The following HAGHL variants were observed in gnomAD, a reference collection of about 807,000 sequenced individuals.
HAGHL encodes the protein hydroxyacylglutathione hydrolase like.
A neutral mutation model predicts 29.2 loss-of-function variants in HAGHL; 27 were observed. That is an observed-to-expected ratio of 0.92 (90% CI 0.68 to 1.27). HAGHL has a LOEUF of 1.27. HAGHL is among the 50% of genes most tolerant of loss of function. HAGHL has a pLI of 0.00. For synonymous variants in HAGHL, 223 were observed against 185.7 expected (o/e 1.20, Z -1.63); for missense variants, 529 against 405.5 (o/e 1.30, Z -2.62).
Position 729,395 on chromosome 16 carries a change from C to T in HAGHL, c.788C>T (p.Pro263Leu), listed in dbSNP as rs1234037073. ...RFEQAGEPRQ[P>L]QARALLALQW... ...GAACAGGCGGGCGAGCCGCGGCAGC[C>T]ACAGGCGCGGGCCCTCCTTGCGCTG... Residue 263 changes from proline (P) to leucine (L), a missense_variant, in exon 8 of 8, where the codon CCA becomes CTA. Transcript: ENST00000389703. The T allele has an allele frequency of 6.5e-7, 1 of 1,527,552 alleles. No individual in the cohort carries two copies. Among genetic ancestry groups the T allele is most frequent in the Non-Finnish European group, 8.8e-7 (1 of 1,140,646 alleles). The allele number at this position is 1,527,552 out of a possible 1,614,324, so 94.6% of individuals were successfully genotyped here.
Position 729,093 on chromosome 16 carries a change from G to C in HAGHL, c.680+5G>C, listed in dbSNP as rs761139016. 2.5e-6 allele frequency: 4 copies of C among 1,608,100 alleles called. No homozygotes were observed. In the Admixed American group the frequency reaches 6.7e-5, roughly 27 times the overall value. The stretch of plus-strand genomic sequence containing the variant: ...CAACCCCTTCCTGCGGGTGGCGTGA[G>C]TATGGCTGTTGTCCCGGGGCCTCCA... On this transcript the variant is annotated splice_donor_5th_base_variant and intron_variant, in intron 7 of 7. Transcript: ENST00000389703.
In HAGHL at chr16:728,593, C is replaced by A; in HGVS notation, c.487C>A (p.Pro163Thr). 6.7e-7 allele frequency: 1 copy of A among 1,500,508 alleles called. No individual in the cohort carries two copies. Among genetic ancestry groups the A allele is most frequent in the Non-Finnish European group, 8.9e-7 (1 of 1,127,330 alleles). The allele number at this position is 1,500,508 out of a possible 1,614,324, so 92.9% of individuals were successfully genotyped here. A position where few individuals can be genotyped will look rare whatever the true frequency, so the allele number is the denominator to read the frequency against. ...GAGCCTGGCCGAGCTGGGTACCCTGCCCCCCGAGACGGTGAGCGGGCCTGG... is the reference window on the plus strand; with the variant it reads ...GAGCCTGGCCGAGCTGGGTACCCTGACCCCCGAGACGGTGAGCGGGCCTGG... Reference protein sequence around the residue: ...YQSLAELGTLPPETKVFCGHE... With the variant: ...YQSLAELGTLTPETKVFCGHE... Residue 163 changes from proline (P) to threonine (T), a missense_variant, in exon 5 of 8, where the codon CCC becomes ACC. Transcript: ENST00000389703.
Position 728,322 on chromosome 16 carries a change from G to T in HAGHL, c.295G>T (p.Ala99Ser). The change falls in exon 4 of 8, where the codon GCC (alanine) becomes TCC (serine). Residue 99 changes from alanine (A) to serine (S), a missense_variant. Coordinates refer to ENST00000389703, the MANE Select transcript of HAGHL (RefSeq NM_032304.4). ...GCCTGCTCCTCCGCCGCAGTTCGGG[G>T]CCATCCACGTGCGTTGCCTCCTGAC... is the stretch of plus-strand genomic sequence containing the variant. ...LAHGEELRFG[A>S]IHVRCLLTPG... 1 of 1,553,936 alleles carries T rather than the reference G, an allele frequency of 6.4e-7. No homozygotes were observed.
In HAGHL at chr16:729,465, G is replaced by A; in HGVS notation, c.*9G>A. 1 of 1,539,740 alleles carries A rather than the reference G, an allele frequency of 6.5e-7. No homozygotes were observed. The highest frequency in any genetic ancestry group is 8.7e-7 in the Non-Finnish European group (1 of 1,146,170). ...CAGCCCCACACGACTGAGCCACCCA[G>A]ACCCTCACAGGGCTGGGGCCTGCGT... On this transcript the variant is annotated 3_prime_UTR_variant, in exon 8 of 8. Transcript: ENST00000389703.
In HAGHL at chr16:727,973, G is replaced by A. The variant is rs2041109091; in HGVS notation, c.114G>A (p.Glu38=). The A allele has an allele frequency of 6.2e-7, 1 of 1,607,574 alleles. No individual in the cohort carries two copies. The highest frequency in any genetic ancestry group is 1.3e-5 in the African/African-American group (1 of 74,280). The part of the protein sequence containing the change: ...VDVAVPKRLL[E]IVGREGVSLT... ...ACTCCCGTCCCTTTCAGCTGCTGGA[G>A]ATCGTGGGCCGGGAGGGGGTGTCTC... The change falls in exon 2 of 8, where the codon GAG becomes GAA. Residue 38 remains glutamate (E), a synonymous_variant. Coordinates refer to ENST00000389703, the MANE Select transcript of HAGHL (RefSeq NM_032304.4).
Position 727,464 on chromosome 16 carries a change from G to T in HAGHL, c.-46G>T. ...CCGCCCTGAAGGGGCACCGTGGGCT[G>T]GGGGGCCTGTTTTGGAGCAGGCACC... is the stretch of plus-strand genomic sequence containing the variant. On this transcript the variant is annotated 5_prime_UTR_variant, in exon 1 of 8. Transcript: ENST00000389703. 8.4e-7 allele frequency: 1 copy of T among 1,186,958 alleles called. No homozygotes were observed. Among genetic ancestry groups the T allele is most frequent in the East Asian group, 2.5e-5 (1 of 39,916 alleles). 73.5% of individuals were successfully genotyped at this position (1,186,958 alleles called of 1,614,324 possible).
Position 728,615 on chromosome 16 carries a change from C to T in HAGHL, c.498+11C>T. The T allele has an allele frequency of 3.5e-6, 5 of 1,443,382 alleles. No homozygotes were observed. Among genetic ancestry groups the T allele is most frequent in the Non-Finnish European group, 4.6e-6 (5 of 1,078,674 alleles). The allele number at this position is 1,443,382 out of a possible 1,614,324, so 89.4% of individuals were successfully genotyped here. A position where few individuals can be genotyped will look rare whatever the true frequency, so the allele number is the denominator to read the frequency against. On this transcript the variant is annotated intron_variant, in intron 5 of 7. Transcript: ENST00000389703. ...CTGCCCCCCGAGACGGTGAGCGGGCCTGGGCCCTCCCCTCTTCTCCCGTGG... is the reference window on the plus strand; with the variant it reads ...CTGCCCCCCGAGACGGTGAGCGGGCTTGGGCCCTCCCCTCTTCTCCCGTGG...
chr16:728,581 C>T lies in HAGHL; in HGVS notation c.475C>T (p.Leu159=), dbSNP rs1258904100. 2.0e-6 allele frequency: 3 copies of T among 1,513,372 alleles called. No homozygotes were observed. Among genetic ancestry groups the T allele is most frequent in the South Asian group, 1.2e-5 (1 of 80,652 alleles). 93.7% of individuals were successfully genotyped at this position (1,513,372 alleles called of 1,614,324 possible). A position where few individuals can be genotyped will look rare whatever the true frequency, so the allele number is the denominator to read the frequency against. Residue 159 remains leucine (L), a synonymous_variant, in exon 5 of 8, where the codon CTG becomes TTG. Coordinates refer to ENST00000389703, the MANE Select transcript of HAGHL (RefSeq NM_032304.4). ...GCAGATGTACCAGAGCCTGGCCGAG[C>T]TGGGTACCCTGCCCCCCGAGACGGT... ...AQQMYQSLAE[L]GTLPPETKVF...
chr16:728,435 C>T lies in HAGHL; in HGVS notation c.397+11C>T. Reference sequence around the variant, plus strand: ...CCGCCCTGTTCTCGGGTACCCGCAGCGCGGAGCGCGCCCACCCCGCCTCCC... The same window carrying T: ...CCGCCCTGTTCTCGGGTACCCGCAGTGCGGAGCGCGCCCACCCCGCCTCCC... On this transcript the variant is annotated intron_variant, in intron 4 of 7. Transcript: ENST00000389703. 4 of 1,516,808 alleles carry T rather than the reference C, an allele frequency of 2.6e-6. No homozygotes were observed. The highest frequency in any genetic ancestry group is 3.5e-6 in the Non-Finnish European group (4 of 1,129,400). The allele number at this position is 1,516,808 out of a possible 1,614,324, so 94.0% of individuals were successfully genotyped here.
chr16:728,506 G>C lies in HAGHL; in HGVS notation c.400G>C (p.Asp134His). 1 of 1,529,306 alleles carries C rather than the reference G, an allele frequency of 6.5e-7. No individual in the cohort carries two copies. Among genetic ancestry groups the C allele is most frequent in the South Asian group, 1.2e-5 (1 of 83,554 alleles). 94.7% of individuals were successfully genotyped at this position (1,529,306 alleles called of 1,614,324 possible). The change falls in exon 5 of 8, where the codon GAC (aspartate) becomes CAC (histidine). Residue 134 changes from aspartate (D) to histidine (H), a missense_variant and splice_region_variant. Coordinates refer to ENST00000389703, the MANE Select transcript of HAGHL (RefSeq NM_032304.4). Reference protein sequence around the residue: ...CPDPPALFSGDALSVAGCGSC... With the variant: ...CPDPPALFSGHALSVAGCGSC... ...TCTGACCCGCCCTCCCCCGCCAGGCGACGCGCTGTCGGTGGCCGGCTGCGG... is the reference window on the plus strand; with the variant it reads ...TCTGACCCGCCCTCCCCCGCCAGGCCACGCGCTGTCGGTGGCCGGCTGCGG...
rs2041029862 is a variant in HAGHL at position 727,264 on chromosome 16, G to A, written c.-246G>A. 1 of 440,258 alleles carries A rather than the reference G, an allele frequency of 2.3e-6. No homozygotes were observed. The highest frequency in any genetic ancestry group is 4.2e-5 in the East Asian group (1 of 24,006). 27.3% of individuals were successfully genotyped at this position (440,258 alleles called of 1,614,324 possible). A position where few individuals can be genotyped will look rare whatever the true frequency, so the allele number is the denominator to read the frequency against. On this transcript the variant is annotated 5_prime_UTR_variant, in exon 1 of 8. Coordinates refer to ENST00000389703, the MANE Select transcript of HAGHL (RefSeq NM_032304.4). ...CTTTGGGGACTGGGGCTCGGACTGG[G>A]GGCGGAGCCGGGGCTGGTTGGGGAC...
At position 728,202 on chromosome 16, in the gene HAGHL, C is replaced by G. The variant is rs2151591080; in HGVS notation, c.257C>G (p.Thr86Arg). The G allele has an allele frequency of 6.9e-7, 1 of 1,452,958 alleles. No homozygotes were observed. Among genetic ancestry groups the G allele is most frequent in the Admixed American group, 2.8e-5 (1 of 36,276 alleles). 90.0% of individuals were successfully genotyped at this position (1,452,958 alleles called of 1,614,324 possible). ...LGADERIFSLTRRLAHGEELR... is the reference protein window; with the variant it reads ...LGADERIFSLRRRLAHGEELR... ...GCGGACGAGCGCATCTTCTCGCTGACGCGCAGGCTGGCGCACGGCGAGGAG... is the reference window on the plus strand; with the variant it reads ...GCGGACGAGCGCATCTTCTCGCTGAGGCGCAGGCTGGCGCACGGCGAGGAG... Residue 86 changes from threonine to arginine, a missense_variant, in exon 3 of 8, where the codon ACG becomes AGG. Coordinates refer to ENST00000389703, the MANE Select transcript of HAGHL (RefSeq NM_032304.4).
Position 728,387 on chromosome 16 carries a change from G to C in HAGHL, c.360G>C (p.Trp120Cys). 6.3e-7 allele frequency: 1 copy of C among 1,577,528 alleles called. No individual in the cohort carries two copies. Among genetic ancestry groups the C allele is most frequent in the Middle Eastern group, 1.7e-4 (1 of 5,724 alleles). The stretch of plus-strand genomic sequence containing the variant: ...CCGGCCACATGAGCTACTTCCTGTG[G>C]GAGGACGATTGCCCGGACCCACCCG... ...HTAGHMSYFL[W>C]EDDCPDPPAL... Residue 120 changes from tryptophan to cysteine, a missense_variant, in exon 4 of 8, where the codon TGG becomes TGC. Physicochemically the swap from Trp to Cys is radical, Grantham distance 215 (BLOSUM62 -2). Coordinates refer to ENST00000389703, the MANE Select transcript of HAGHL (RefSeq NM_032304.4).
intron 1 of HAGHL, 115 bp from the exon 2 acceptor site, chr16:727,850 C>A: frequency 8.7e-7 from 1 of 1,149,672 alleles, no homozygotes; most frequent in Non-Finnish European, 1.3e-6. Flanking sequence ...GGTCCCCGCT[C>A]CCCGGCGCTC....
At position 728,803 on chromosome 16, in the gene HAGHL, T is replaced by G; in HGVS notation, c.508T>G (p.Cys170Gly). ...AGCGCTCTTCCTCCAGAAGGTGTTC[T>G]GCGGCCACGAGCACACGCTTAGCAA... ...GTLPPETKVF[C>G]GHEHTLSNLE... Residue 170 changes from cysteine to glycine, a missense_variant, in exon 6 of 8, where the codon TGC becomes GGC. Transcript: ENST00000389703. 1 of 1,612,032 alleles carries G rather than the reference T, an allele frequency of 6.2e-7. No homozygotes were observed. The highest frequency in any genetic ancestry group is 8.5e-7 in the Non-Finnish European group (1 of 1,179,670).
Position 727,446 on chromosome 16 carries a change from G to A in HAGHL, c.-64G>A. The A allele has an allele frequency of 1.0e-6, 1 of 994,072 alleles. No homozygotes were observed. The highest frequency in any genetic ancestry group is 1.6e-6 in the Non-Finnish European group (1 of 642,138). The allele number at this position is 994,072 out of a possible 1,614,324, so 61.6% of individuals were successfully genotyped here. On this transcript the variant is annotated 5_prime_UTR_variant, in exon 1 of 8. Coordinates refer to ENST00000389703, the MANE Select transcript of HAGHL (RefSeq NM_032304.4). ...GGGTGTGGAGAGCGGGCCCCGCCCT[G>A]AAGGGGCACCGTGGGCTGGGGGGCC...
intron 3 of HAGHL, 30 bp from the exon 4 acceptor site, chr16:728,286 C>G (rs1037325718): frequency 9.2e-6 from 14 of 1,520,228 alleles, no homozygotes; most frequent in Non-Finnish European, 1.2e-5. Context: ...TCCACCCGCC[C>G]TCACAGGTCC....
intron 1 of HAGHL, 25 bp from the exon 2 acceptor site, chr16:727,940 T>C (rs758694674): frequency 6.2e-7 from 1 of 1,601,690 alleles, no homozygotes; most frequent in Admixed American, 1.7e-5. Context: ...ACCGTCTGTG[T>C]TACCGTCACT....
chr16:729,501 G>C lies in HAGHL; in HGVS notation c.*45G>C, dbSNP rs1319217116. 1 of 1,536,660 alleles carries C rather than the reference G, an allele frequency of 6.5e-7. No individual in the cohort carries two copies. Among genetic ancestry groups the C allele is most frequent in the East Asian group, 2.4e-5 (1 of 40,888 alleles). ...GGCTGGGGCCTGCGTCCCTCCTCGT[G>C]ACCTCGGCCAGCTGGACCCACATGA... On this transcript the variant is annotated 3_prime_UTR_variant, in exon 8 of 8. Coordinates refer to ENST00000389703, the MANE Select transcript of HAGHL (RefSeq NM_032304.4).
Sources: gnomAD v4.1 joint callset for allele counts on GRCh38, gnomAD v4.1.1 for gene constraint, MANE v1.5 for transcripts, NCBI Gene and HGNC (gene_info 2026-07-23, HGNC 2026-07-21) for gene names.